Variants in FNDC3A observed in about 807,000 individuals in gnomAD.
The protein encoded by FNDC3A is fibronectin type III domain containing 3A.
A neutral mutation model predicts 148.9 loss-of-function variants in FNDC3A; 32 were observed. The ratio of observed to expected loss-of-function variants is 0.21; its 90% CI spans 0.16 to 0.29. The LOEUF is 0.29. Ranked by LOEUF, FNDC3A falls within the 10% of genes least tolerant of loss-of-function variation. The probability of loss-of-function intolerance (pLI) is 1.00; values close to 1 mark genes in which losing one functional copy is unlikely to be tolerated. For missense variants in FNDC3A, 1,191 were observed against 1,452.8 expected, an observed-to-expected ratio of 0.82 and a Z score of 2.93; for synonymous variants, 472 against 473.6, an observed-to-expected ratio of 1.00 and a Z score of 0.04.
At chr13:49,165,012 G>A (rs1482134700) in intron 8 of FNDC3A, among the ~76,000 whole-genome samples, 1 of 152,066 alleles carries the variant, frequency 6.6e-6, no homozygotes, top group Non-Finnish European at 1.5e-5. Context: ...CAGAATTTCT[G>A]TTTGGTTCTT....
intron 3 of FNDC3A, among the ~76,000 whole-genome samples, chr13:49,085,579 T>A (rs1054006375): frequency 6.6e-6 from 1 of 152,214 alleles, no homozygotes; most frequent in Admixed American, 6.5e-5. Flanking sequence ...GTGTCTATTG[T>A]GTTGTAGATC....
In FNDC3A at chr13:49,081,434, G is replaced by A. The variant is rs550721079; in HGVS notation, c.175+6070G>A. Among the ~76,000 whole-genome samples the A allele has an allele frequency of 1.0e-3, 157 of 152,254 alleles. 1 individual carries two copies. The highest frequency in any genetic ancestry group is 3.5e-3 in the African/African-American group (146 of 41,542). The stretch of plus-strand genomic sequence containing the variant: ...GCAGTAGTTAAGCAGAAGGGTACTT[G>A]GGTTTGAGTTCAAACTTTGCCACTT... On this transcript the variant is annotated intron_variant, in intron 3 of 25. Coordinates refer to ENST00000492622, the MANE Select transcript of FNDC3A (RefSeq NM_001079673.2).
intron 1 of FNDC3A, 118 bp from the exon 2 acceptor site, chr13:49,006,034 A>G (rs1047662005): frequency 4.5e-6 from 2 of 447,866 alleles, no homozygotes; most frequent in African/African-American, 4.1e-5. Context: ...AGAGTATTCT[A>G]GAATTTCCTT....
chr13:49,151,544 T>C (rs1231889406), intron 8 of FNDC3A, among the ~76,000 whole-genome samples: 1 of 152,198 alleles, frequency 6.6e-6, no homozygotes, highest in African/African-American at 2.4e-5. Context: ...AGTTTGTGTC[T>C]TTTAAGTAGA....
chr13:49,198,236 C>T lies in FNDC3A; in HGVS notation c.2745C>T (p.Ile915=), dbSNP rs374070393. 3.1e-6 allele frequency: 5 copies of T among 1,613,802 alleles called. No individual in the cohort carries two copies. The African/African-American group carries it at 5.3e-5, about 17-fold the overall frequency. The change falls in exon 22 of 26, where the codon ATC becomes ATT. Residue 915 remains isoleucine, a synonymous_variant. Transcript: ENST00000492622. ...LTVGKVTSYI[I]NNLQPDTTYR... is the part of the protein sequence containing the mutation. ...TGGGAAAGGTTACAAGCTATATTAT[C>T]AACAATTTGCAACCAGATACAACAT... is the stretch of plus-strand genomic sequence containing the variant.
chr13:49,074,087 T>A (rs982370613), intron 2 of FNDC3A, among the ~76,000 whole-genome samples: 1 of 152,056 alleles, frequency 6.6e-6, no homozygotes, highest in African/African-American at 2.4e-5. Context: ...CCCTTTCTGT[T>A]ACTTTTTATT....
chr13:49,111,764 G>A (rs530982547), intron 3 of FNDC3A, among the ~76,000 whole-genome samples: 143 of 150,358 alleles, frequency 9.5e-4, no homozygotes, highest in African/African-American at 3.3e-3. Flanking sequence ...TACAATTTCT[G>A]CCTCAGGATA....
At chr13:49,117,458 C>G (rs1881042437) in intron 4 of FNDC3A, among the ~76,000 whole-genome samples, 1 of 152,014 alleles carries the variant, frequency 6.6e-6, no homozygotes, top group East Asian at 1.9e-4. Context: ...AAAATTCTAC[C>G]CATCCTTGAG....
At chr13:49,200,670 C>A (rs140544921) in intron 23 of FNDC3A, among the ~76,000 whole-genome samples, 1 of 151,988 alleles carries the variant, frequency 6.6e-6, no homozygotes, top group African/African-American at 2.4e-5. Flanking sequence ...ACTTAATATT[C>A]AGCTAGCATC....
chr13:49,175,842 A>G (rs1354134682), intron 13 of FNDC3A, among the ~76,000 whole-genome samples: 3 of 152,178 alleles, frequency 2.0e-5, no homozygotes, highest in Non-Finnish European at 2.9e-5. Context: ...TTTGTCATAA[A>G]CAGCTCTTAT....
chr13:49,051,661 C>T (rs1305776879), intron 2 of FNDC3A, among the ~76,000 whole-genome samples: 2 of 152,142 alleles, frequency 1.3e-5, no homozygotes, highest in Non-Finnish European at 2.9e-5. Flanking sequence ...AGACGATAAT[C>T]TTTTTGTGAT....
chr13:49,086,812 TA>T (rs1157266024), intron 3 of FNDC3A, among the ~76,000 whole-genome samples: 1 of 152,176 alleles, frequency 6.6e-6, no homozygotes, highest in Non-Finnish European at 1.5e-5. Flanking sequence ...CTTCCCCTTT[TA>T]ATATGAAAAC....
At chr13:49,042,287 T>C (rs1225090167) in intron 2 of FNDC3A, among the ~76,000 whole-genome samples, 5 of 152,166 alleles carry the variant, frequency 3.3e-5, no homozygotes, top group Non-Finnish European at 7.3e-5. Flanking sequence ...GTACTTTTTT[T>C]CTTGTATTTT....
chr13:49,173,928 T>C (rs1319935792), intron 11 of FNDC3A, among the ~76,000 whole-genome samples: 1 of 152,240 alleles, frequency 6.6e-6, no homozygotes, highest in African/African-American at 2.4e-5. Context: ...GGCTGTGCTC[T>C]CTGCTAGAAC....
intron 2 of FNDC3A, among the ~76,000 whole-genome samples, chr13:49,019,868 T>C (rs907169094): frequency 6.6e-6 from 1 of 152,212 alleles, no homozygotes; most frequent in South Asian, 2.1e-4. Flanking sequence ...TGTTTCTTAT[T>C]CTTTGGTTAA....
At chr13:49,064,899 C>T (rs1352118469) in intron 2 of FNDC3A, among the ~76,000 whole-genome samples, 2 of 152,068 alleles carry the variant, frequency 1.3e-5, no homozygotes, top group Admixed American at 6.6e-5. Flanking sequence ...TTCTTATAGT[C>T]CCTGGAGACC....
chr13:48,984,054 G>GAA (rs555865345), intron 1 of FNDC3A, among the ~76,000 whole-genome samples: 260 of 152,254 alleles, frequency 1.7e-3, no homozygotes, highest in African/African-American at 6.1e-3. Context: ...GATAAAGTTA[G>GAA]AAAATTCATT....
At chr13:49,185,013 G>T (rs1362899188) in intron 14 of FNDC3A, among the ~76,000 whole-genome samples, 2 of 152,020 alleles carry the variant, frequency 1.3e-5, no homozygotes, top group East Asian at 3.9e-4. Flanking sequence ...ATTTTTTGGG[G>T]CAGTTTGTCT....
At chr13:49,146,193 A>G in intron 8 of FNDC3A, 1 of 369,424 alleles carries the variant, frequency 2.7e-6, no homozygotes, top group Non-Finnish European at 4.9e-6. Context: ...TAGATGGTTC[A>G]GTATTCACGT....
Sources: gnomAD v4.1 joint callset for allele counts (sites outside exome capture counted in the v4.1 genomes callset) on GRCh38, gnomAD v4.1.1 for gene constraint, MANE v1.5 for transcripts, NCBI Gene and HGNC (gene_info 2026-07-23, HGNC 2026-07-21) for gene names.